PDE10A: variants seen among roughly 807,000 people sequenced by gnomAD.
PDE10A encodes the protein phosphodiesterase 10A.
In PDE10A, 39 loss-of-function variants were observed where a neutral mutation model predicts 97.7. The observed-to-expected ratio is 0.40, with a 90% CI of 0.31 to 0.52. The LOEUF (loss-of-function observed/expected upper bound fraction) is 0.52. Ranked by LOEUF, PDE10A falls within the 20% of genes least tolerant of loss-of-function variation. The pLI is 0.56. For missense variants in PDE10A, 731 were observed against 1,047.8 expected (o/e 0.70, Z 4.17); for synonymous variants, 371 against 376.8 (o/e 0.98, Z 0.18).
chr6:165,445,823 A>T (rs554463163), intron 5 of PDE10A, among the ~76,000 whole-genome samples: 1 of 152,314 alleles, frequency 6.6e-6, no homozygotes, highest in East Asian at 1.9e-4. Context: ...GAAAGAAACT[A>T]GAAAGGCACT....
At chr6:165,541,510 G>C (rs77325917) in intron 2 of PDE10A, among the ~76,000 whole-genome samples, 1 of 152,088 alleles carries the variant, frequency 6.6e-6, no homozygotes, top group Non-Finnish European at 1.5e-5. Context: ...TAGTTTTTAT[G>C]GTAGCACTAC....
chr6:165,588,343 T>G (rs1042249209), intron 1 of PDE10A, among the ~76,000 whole-genome samples: 2 of 136,234 alleles, frequency 1.5e-5, no homozygotes, highest in Non-Finnish European at 1.5e-5. Context: ...CAGGCTGGAG[T>G]GCAATGGCAT....
Position 165,333,042 on chromosome 6 carries a change from C to T in PDE10A, c.3151G>A (p.Ala1051Thr). 1 of 1,606,892 alleles carries T rather than the reference C, an allele frequency of 6.2e-7. No individual in the cohort carries two copies. Among genetic ancestry groups the T allele is most frequent in the Non-Finnish European group, 8.5e-7 (1 of 1,173,800 alleles). Residue 1051 changes from alanine to threonine, a missense_variant, in exon 22 of 22, where the codon GCT becomes ACT. This residue lies in a region of PDE10A where 34 missense variants were observed against 29.7 expected (regional missense o/e 1.14). Coordinates refer to ENST00000539869, the MANE Select transcript of PDE10A (RefSeq NM_001385079.1). ...ACCAGTGCTCAATCTTCAGATGCAGCTGCCTTCTGAGCCACGGATGGGGAT... is the reference window on the plus strand; with the variant it reads ...ACCAGTGCTCAATCTTCAGATGCAGTTGCCTTCTGAGCCACGGATGGGGAT... ...ISSPSVAQKA[A>T]ASED is the part of the protein sequence containing the mutation.
intron 1 of PDE10A, among the ~76,000 whole-genome samples, chr6:165,943,720 T>A (rs1410230687): frequency 6.6e-6 from 1 of 152,252 alleles, no homozygotes; most frequent in African/African-American, 2.4e-5. Context: ...AAGAAGGATC[T>A]TCTTTATTCA....
At chr6:165,538,725 G>A (rs1031037225) in intron 2 of PDE10A, among the ~76,000 whole-genome samples, 10 of 152,164 alleles carry the variant, frequency 6.6e-5, no homozygotes, top group African/African-American at 2.2e-4. Flanking sequence ...TGAAATACTG[G>A]AACGGCATTA....
chr6:165,500,921 C>T (rs962566133), intron 2 of PDE10A, among the ~76,000 whole-genome samples: 6 of 152,058 alleles, frequency 3.9e-5, no homozygotes, highest in African/African-American at 1.4e-4. Flanking sequence ...TGTTTGTGTA[C>T]GTGCACATCA....
chr6:165,464,481 C>G (rs1363572845), intron 3 of PDE10A, among the ~76,000 whole-genome samples: 1 of 152,088 alleles, frequency 6.6e-6, no homozygotes, highest in African/African-American at 2.4e-5. Flanking sequence ...TAAGCCATAC[C>G]ACTTCAAATA....
At chr6:165,363,268 G>A (rs1274112615) in intron 18 of PDE10A, among the ~76,000 whole-genome samples, 43 of 152,186 alleles carry the variant, frequency 2.8e-4, no homozygotes, top group Admixed American at 2.8e-3. Context: ...TGTAATCCCA[G>A]CACTTTGGGA....
At chr6:165,885,986 G>A (rs189601591) in intron 1 of PDE10A, among the ~76,000 whole-genome samples, 15 of 152,200 alleles carry the variant, frequency 9.9e-5, no homozygotes, top group Admixed American at 3.3e-4. Context: ...ATGTGTATTC[G>A]TCTCCTCGAA....
chr6:165,628,742 C>T (rs1191106844), intron 1 of PDE10A, among the ~76,000 whole-genome samples: 3 of 152,108 alleles, frequency 2.0e-5, no homozygotes, highest in African/African-American at 7.2e-5. Flanking sequence ...TTAATTTCAA[C>T]CCAAAATGGT....
intron 1 of PDE10A, among the ~76,000 whole-genome samples, chr6:165,654,359 G>C (rs1789831689): frequency 6.6e-6 from 1 of 151,536 alleles, no homozygotes; most frequent in Non-Finnish European, 1.5e-5. Flanking sequence ...CCCCACCCCT[G>C]CTTCCCCAGG....
intron 2 of PDE10A, among the ~76,000 whole-genome samples, chr6:165,504,922 C>T (rs955332813): frequency 3.3e-5 from 5 of 152,086 alleles, no homozygotes; most frequent in African/African-American, 1.2e-4. Context: ...GAATTCAGAA[C>T]TGAGTTAAGT....
intron 1 of PDE10A, among the ~76,000 whole-genome samples, chr6:165,575,782 T>C (rs1785272665): frequency 6.6e-6 from 1 of 152,248 alleles, no homozygotes; most frequent in Admixed American, 6.5e-5. Flanking sequence ...ATAACTGCAC[T>C]AAAATCATTT....
intron 1 of PDE10A, among the ~76,000 whole-genome samples, chr6:165,742,304 C>A (rs1792745270): frequency 6.6e-6 from 1 of 152,138 alleles, no homozygotes; most frequent in African/African-American, 2.4e-5. Flanking sequence ...TAACATCTAT[C>A]AAGTGCTCTC....
intron 1 of PDE10A, among the ~76,000 whole-genome samples, chr6:165,599,116 A>T (rs1786783063): frequency 6.6e-6 from 1 of 152,256 alleles, no homozygotes; most frequent in South Asian, 2.1e-4. Context: ...ACGGTTGTGA[A>T]GGAATTTTAA....
upstream of PDE10A, among the ~76,000 whole-genome samples, chr6:165,664,712 C>G (rs1790453852): frequency 6.6e-6 from 1 of 152,208 alleles, no homozygotes; most frequent in Non-Finnish European, 1.5e-5. Flanking sequence ...TGCTGCGAGT[C>G]CGGAGTTTGT....
In PDE10A at chr6:165,369,021, G is replaced by C. The variant is rs369482051; in HGVS notation, c.2783+10173C>G. On this transcript the variant is annotated intron_variant, in intron 18 of 21. Transcript: ENST00000539869. The stretch of plus-strand genomic sequence containing the variant: ...CAACAGACCTGCAGCTGAGGGTCCT[G>C]TCTGTTAGAAGGAAAACTAACAAAC... Among the ~76,000 whole-genome samples, 7 of 152,014 alleles carry C rather than the reference G, an allele frequency of 4.6e-5. No homozygotes were observed. The East Asian group carries it at 1.4e-3, about 29-fold the overall frequency.
chr6:165,658,252 G>A lies in PDE10A; in HGVS notation c.865+3695C>T, dbSNP rs74461785. Among the ~76,000 whole-genome samples the A allele has an allele frequency of 9.4e-3, 1,431 of 152,320 alleles. 24 individuals carry two copies. The highest frequency in any genetic ancestry group is 0.033 in the African/African-American group (1,357 of 41,564). On this transcript the variant is annotated intron_variant, in intron 1 of 21. Transcript: ENST00000539869. The stretch of plus-strand genomic sequence containing the variant: ...TCTTATGTCTCAAGAAACAGTAAGA[G>A]TGGTTACTGATGAGTGTGGAGCACA...
chr6:165,834,494 G>T (rs1019071311), intron 1 of PDE10A, among the ~76,000 whole-genome samples: 3 of 152,214 alleles, frequency 2.0e-5, no homozygotes, highest in African/African-American at 7.2e-5. Flanking sequence ...CAGAGCCCAG[G>T]TGTGTTCAGT....
Sources: gnomAD v4.1 joint callset for allele counts (sites outside exome capture counted in the v4.1 genomes callset) on GRCh38, gnomAD v4.1.1 for gene constraint, gnomAD v4.1.1 regional missense constraint, MANE v1.5 for transcripts, NCBI Gene and HGNC (gene_info 2026-07-23, HGNC 2026-07-21) for gene names.